Variants in MED16 observed in about 807,000 individuals in gnomAD.
MED16 encodes the protein mediator of RNA polymerase II transcription subunit 16.
A neutral mutation model predicts 84.4 loss-of-function variants in MED16; 81 were observed. The observed-to-expected ratio is 0.96, with a 90% CI of 0.80 to 1.15. The LOEUF is 1.15. Ranked by LOEUF, MED16 falls within the 50% of genes most tolerant of loss-of-function variation. The pLI, the probability that MED16 is intolerant of heterozygous loss-of-function variation, is 0.00. For synonymous variants in MED16, 897 were observed against 552.2 expected (o/e 1.62, Z -8.76); for missense variants, 1,585 against 1,245.9 (o/e 1.27, Z -4.10).
intron 4 of MED16, among the ~76,000 whole-genome samples, chr19:887,987 G>T (rs1177393490): frequency 6.6e-6 from 1 of 152,042 alleles, no homozygotes; most frequent in Non-Finnish European, 1.5e-5. Context: ...CAGATCACCT[G>T]AGGTTAGGAG....
At chr19:872,386 C>T (rs1269876162) in intron 11 of MED16, among the ~76,000 whole-genome samples, 1 of 152,054 alleles carries the variant, frequency 6.6e-6, no homozygotes, top group Non-Finnish European at 1.5e-5. Context: ...TGGCTGAGGC[C>T]AATATCCCCA....
intron 8 of MED16, among the ~76,000 whole-genome samples, chr19:879,017 C>T (rs2036342781): frequency 6.8e-6 from 1 of 148,074 alleles, no homozygotes; most frequent in African/African-American, 2.5e-5. Context: ...CAGCCCCAGC[C>T]CCACATGTCC....
chr19:889,552 G>A (rs909685272), intron 4 of MED16, 86 bp downstream of exon 4: 6 of 1,492,984 alleles, frequency 4.0e-6, no homozygotes, highest in Non-Finnish European at 4.5e-6. Flanking sequence ...AGGGGATGCT[G>A]GTGATGGAGA....
At position 873,597 on chromosome 19, in the gene MED16, G is replaced by C. The variant is rs752847260; in HGVS notation, c.1772-15C>G. On this transcript the variant is annotated splice_polypyrimidine_tract_variant and intron_variant, in intron 10 of 15. Coordinates refer to ENST00000325464, the MANE Select transcript of MED16 (RefSeq NM_005481.3). ...CTTGTCAATGTCTACAAGGAGACGT[G>C]GGTCGGGTCAGCTCGGGCCTCTTGT... is the stretch of plus-strand genomic sequence containing the variant. The C allele has an allele frequency of 2.2e-5, 36 of 1,611,654 alleles. No individual in the cohort carries two copies. Among genetic ancestry groups the C allele is most frequent in the Non-Finnish European group, 2.2e-5 (26 of 1,179,532 alleles).
rs1011705888 is a variant in MED16, at chr19:876,417, C to T, written c.1560+557G>A. 6.6e-5 allele frequency among the ~76,000 whole-genome samples: 10 copies of T among 152,092 alleles called. No individual in the cohort carries two copies. The South Asian group carries it at 8.3e-4, about 13-fold the overall frequency. ...CTGAGGCCTCACACCACAGGGCCAC[C>T]GGGTGTGCATCCTGGTACCCATCAC... On this transcript the variant is annotated intron_variant, in intron 9 of 15. Transcript: ENST00000325464.
rs749799768 is a variant in MED16, at chr19:875,356, G to A, written c.1659C>T (p.Leu553=). The part of the protein sequence containing the change: ...RVCDYHTKLF[L]IAISSTLKSL... ...ACTTCAGGGTGGAGCTGATGGCGAT[G>A]AGGAAGAGCTTGGTGTGGTAGTCGC... Residue 553 remains leucine, a synonymous_variant, in exon 10 of 16, where the codon CTC becomes CTT. Transcript: ENST00000325464. The A allele has an allele frequency of 6.2e-6, 10 of 1,610,284 alleles. No homozygotes were observed. The highest frequency in any genetic ancestry group is 2.5e-6 in the Non-Finnish European group (3 of 1,179,784).
At chr19:873,612 G>C in intron 10 of MED16, 30 bp from the exon 11 acceptor site, 4 of 1,610,208 alleles carry the variant, frequency 2.5e-6, no homozygotes, top group Non-Finnish European at 3.4e-6. Context: ...GGGTCAGCTC[G>C]GGCCTCTTGT....
At chr19:877,910 A>G (rs1599329037) in intron 8 of MED16, among the ~76,000 whole-genome samples, 1 of 131,026 alleles carries the variant, frequency 7.6e-6, no homozygotes, top group Non-Finnish European at 1.6e-5. Context: ...CCCCAGCCCC[A>G]CGTGCCCCAG....
Position 868,542 on chromosome 19 carries a change from GGCCTCCCTTAC to G in MED16, c.2400-54_2400-44del. ...CTGAGCGGGTTCCCACTTCCAGGCG[GGCCTCCCTTAC>G]GCCTGCCCCACTTTTGCTTCCAGGC... On this transcript the variant is annotated intron_variant, in intron 14 of 15. Coordinates refer to ENST00000325464, the MANE Select transcript of MED16 (RefSeq NM_005481.3). 3 of 1,601,272 alleles carry G rather than the reference GGCCTCCCTTAC, an allele frequency of 1.9e-6. No homozygotes were observed. In the South Asian group the frequency reaches 3.3e-5, roughly 18 times the overall value.
chr19:882,523 C>T (rs1290427210), intron 6 of MED16, among the ~76,000 whole-genome samples: 1 of 152,114 alleles, frequency 6.6e-6, no homozygotes, highest in Non-Finnish European at 1.5e-5. Context: ...GAGCCTAGCT[C>T]AAAAACAAAA....
chr19:880,908 G>A (rs893129822), intron 7 of MED16, among the ~76,000 whole-genome samples: 6 of 147,478 alleles, frequency 4.1e-5, no homozygotes, highest in Admixed American at 6.9e-5. Flanking sequence ...CTGGGCAACA[G>A]AATGAGACTC....
chr19:890,301 G>T (rs759056716), intron 2 of MED16, 57 bp from the exon 3 acceptor site: 2 of 1,236,980 alleles, frequency 1.6e-6, no homozygotes, highest in East Asian at 5.2e-5. Flanking sequence ...AGACGATGAC[G>T]ATGACTCCAG....
chr19:884,186 T>G (rs1344939424), intron 6 of MED16, among the ~76,000 whole-genome samples: 1 of 152,078 alleles, frequency 6.6e-6, no homozygotes, highest in East Asian at 1.9e-4. Context: ...GGAAAACATC[T>G]CCCTTCTCCA....
intron 9 of MED16, among the ~76,000 whole-genome samples, chr19:875,858 G>A (rs1027739267): frequency 6.6e-6 from 1 of 152,176 alleles, no homozygotes; most frequent in Non-Finnish European, 1.5e-5. Context: ...ATGAATGAAT[G>A]AGCTGAAGCA....
At chr19:881,488 G>A (rs897541713) in intron 7 of MED16, 71 bp downstream of exon 7, 1 of 1,528,654 alleles carries the variant, frequency 6.5e-7, no homozygotes, top group Admixed American at 1.8e-5. Context: ...CGACCCCGTG[G>A]CCTGTGCTCA....
rs200174652 is a variant in MED16, at chr19:871,263, G to C, written c.2099-10C>G. Reference sequence around the variant, plus strand: ...GGGCCCTCATCGCGACCTGCGGAGAGAGGTGGCGGAAGTCTCAGCACCCCT... The same window carrying C: ...GGGCCCTCATCGCGACCTGCGGAGACAGGTGGCGGAAGTCTCAGCACCCCT... On this transcript the variant is annotated splice_polypyrimidine_tract_variant and intron_variant, in intron 12 of 15. Transcript: ENST00000325464. 46 of 1,528,482 alleles carry C rather than the reference G, an allele frequency of 3.0e-5. No individual in the cohort carries two copies. The highest frequency in any genetic ancestry group is 3.7e-5 in the Non-Finnish European group (42 of 1,131,558). 94.7% of individuals were successfully genotyped at this position (1,528,482 alleles called of 1,614,324 possible).
chr19:888,524 C>CAAAAAA (rs34583289), intron 4 of MED16, among the ~76,000 whole-genome samples: 1 of 96,958 alleles, frequency 1.0e-5, no homozygotes, highest in African/African-American at 4.0e-5. Flanking sequence ...ACTCTGTCTC[C>CAAAAAA]AAAAAAAAAA....
rs548228551 is a variant in MED16, at chr19:891,256, C to T, written c.-18-107G>A. On this transcript the variant is annotated intron_variant, in intron 1 of 15. Transcript: ENST00000325464. Reference sequence around the variant, plus strand: ...CAATGGAGGCCCGTGGTAGAGGGAACAGCCGATGCAAAGGCCCGGAGGCCA... The same window carrying T: ...CAATGGAGGCCCGTGGTAGAGGGAATAGCCGATGCAAAGGCCCGGAGGCCA... 9.7e-5 allele frequency: 112 copies of T among 1,148,750 alleles called. No homozygotes were observed. The South Asian group carries it at 1.5e-3, about 15-fold the overall frequency. 71.2% of individuals were successfully genotyped at this position (1,148,750 alleles called of 1,614,324 possible). A position where few individuals can be genotyped will look rare whatever the true frequency, so the allele number is the denominator to read the frequency against.
chr19:869,017 C>G (rs1267779489), intron 13 of MED16, 71 bp from the exon 14 acceptor site: 6 of 1,358,330 alleles, frequency 4.4e-6, no homozygotes, highest in Non-Finnish European at 5.0e-6. Flanking sequence ...GGGCATCTGT[C>G]CACAGGCGGG....
Sources: gnomAD v4.1 joint callset for allele counts (sites outside exome capture counted in the v4.1 genomes callset) on GRCh38, gnomAD v4.1.1 for gene constraint, MANE v1.5 for transcripts, NCBI Gene and HGNC (gene_info 2026-07-23, HGNC 2026-07-21) for gene names.